Variants in ADAMTS17 observed in about 807,000 individuals in gnomAD.
The protein encoded by ADAMTS17 is A disintegrin and metalloproteinase with thrombospondin motifs 17.
ADAMTS17 carries 113 observed loss-of-function variants against 141.5 expected under a neutral mutation model. That is an observed-to-expected ratio of 0.80 (90% confidence interval 0.69 to 0.93). The LOEUF (loss-of-function observed/expected upper bound fraction) is 0.93. Among genes scored for constraint, ADAMTS17 ranks in the 40% least tolerant of loss-of-function variants. The pLI, the probability that ADAMTS17 is intolerant of heterozygous loss-of-function variation, is 0.00. For synonymous variants in ADAMTS17, 768 were observed against 630.6 expected (o/e 1.22, Z -3.27); for missense variants, 1,659 against 1,517.9 (o/e 1.09, Z -1.54).
At chr15:100,159,223 C>A (rs373289845) in intron 8 of ADAMTS17, among the ~76,000 whole-genome samples, 1 of 152,208 alleles carries the variant, frequency 6.6e-6, no homozygotes, top group Non-Finnish European at 1.5e-5. Flanking sequence ...CCAACCTAAA[C>A]AGCCACTGAT....
chr15:100,340,237 G>A (rs2046323095), intron 2 of ADAMTS17, among the ~76,000 whole-genome samples: 2 of 152,208 alleles, frequency 1.3e-5, no homozygotes, highest in Admixed American at 1.3e-4. Context: ...AAGTGTGCGC[G>A]CAGGCAGGGC....
intron 18 of ADAMTS17, among the ~76,000 whole-genome samples, chr15:100,046,400 G>A (rs1207675960): frequency 6.6e-6 from 1 of 152,144 alleles, no homozygotes; most frequent in East Asian, 1.9e-4. Context: ...TCGTGTGTGT[G>A]TCTCAATTCA....
chr15:99,982,497 TG>T (rs2060501132), intron 20 of ADAMTS17, among the ~76,000 whole-genome samples: 1 of 152,164 alleles, frequency 6.6e-6, no homozygotes, highest in African/African-American at 2.4e-5. Context: ...AGCTGGGCCA[TG>T]GTGGGCGCAC....
intron 7 of ADAMTS17, among the ~76,000 whole-genome samples, chr15:100,207,732 C>A (rs1011403063): frequency 1.3e-5 from 2 of 152,162 alleles, no homozygotes. Flanking sequence ...GAAGTGCCAT[C>A]CCTCAGTCGT....
At chr15:100,211,499 C>T (rs953596734) in intron 7 of ADAMTS17, among the ~76,000 whole-genome samples, 22 of 152,098 alleles carry the variant, frequency 1.4e-4, no homozygotes, top group African/African-American at 4.8e-4. Context: ...ATGAAATACA[C>T]AAGAATGGAA....
intron 8 of ADAMTS17, among the ~76,000 whole-genome samples, chr15:100,175,872 CA>C (rs2040321940): frequency 6.6e-6 from 1 of 152,020 alleles, no homozygotes; most frequent in African/African-American, 2.4e-5. Flanking sequence ...AAGGCAGATT[CA>C]TCATTCTCAA....
At chr15:100,195,424 C>A (rs1404016722) in intron 8 of ADAMTS17, among the ~76,000 whole-genome samples, 1 of 151,934 alleles carries the variant, frequency 6.6e-6, no homozygotes, top group African/African-American at 2.4e-5. Context: ...TGTGAGAAGG[C>A]CCCGGGCAAG....
intron 12 of ADAMTS17, among the ~76,000 whole-genome samples, chr15:100,120,072 A>C (rs2037375139): frequency 6.6e-6 from 1 of 152,230 alleles, no homozygotes; most frequent in African/African-American, 2.4e-5. Context: ...CACTAGACTG[A>C]CGTGAACTAT....
intron 9 of ADAMTS17, 40 bp from the exon 10 acceptor site, chr15:100,152,802 G>A (rs1275018179): frequency 1.2e-6 from 2 of 1,608,636 alleles, no homozygotes; most frequent in Non-Finnish European, 1.7e-6. Flanking sequence ...CAAATGTACT[G>A]CCTAGGTTTT....
chr15:100,273,660 T>C (rs2043986825), intron 4 of ADAMTS17, among the ~76,000 whole-genome samples: 1 of 152,182 alleles, frequency 6.6e-6, no homozygotes, highest in Non-Finnish European at 1.5e-5. Context: ...ATTGGCTCTA[T>C]TGTTTTTCTG....
intron 8 of ADAMTS17, among the ~76,000 whole-genome samples, chr15:100,179,163 T>A (rs967782639): frequency 1.3e-5 from 2 of 152,166 alleles, no homozygotes; most frequent in African/African-American, 2.4e-5. Flanking sequence ...AAATACTAGG[T>A]CTTATTCATT....
intron 7 of ADAMTS17, among the ~76,000 whole-genome samples, chr15:100,234,395 A>T (rs2042588622): frequency 6.6e-6 from 1 of 152,186 alleles, no homozygotes; most frequent in South Asian, 2.1e-4. Context: ...TGCTACCAGT[A>T]AGGAAGATGA....
At chr15:100,213,672 C>G (rs1045492367) in intron 7 of ADAMTS17, among the ~76,000 whole-genome samples, 3 of 152,250 alleles carry the variant, frequency 2.0e-5, no homozygotes, top group Admixed American at 2.0e-4. Context: ...AAGCAAAAGC[C>G]TGCCTAGATC....
chr15:100,262,777 A>C (rs916895270), intron 4 of ADAMTS17, among the ~76,000 whole-genome samples: 1 of 150,470 alleles, frequency 6.6e-6, no homozygotes, highest in Non-Finnish European at 1.5e-5. Context: ...GTACTCTTCC[A>C]GTACTAAAAA....
At chr15:99,981,702 G>A (rs928274806) in intron 20 of ADAMTS17, among the ~76,000 whole-genome samples, 3 of 152,170 alleles carry the variant, frequency 2.0e-5, no homozygotes, top group Non-Finnish European at 4.4e-5. Context: ...AAGACAAACC[G>A]TTATAAAAAT....
rs60742726 is a variant in ADAMTS17, at chr15:100,209,113, CAA to C, written c.1076-9692_1076-9691del. Among the ~76,000 whole-genome samples the C allele has an allele frequency of 6.6e-3, 639 of 96,912 alleles. 4 individuals are homozygous for C. In the Middle Eastern group the frequency reaches 0.081, roughly 12 times the overall value. The allele number at this position is 96,912 out of a possible 152,430, so 63.6% of individuals were successfully genotyped here. A position where few individuals can be genotyped will look rare whatever the true frequency, so the allele number is the denominator to read the frequency against. ...TGCATGGAAATATTTGCCAAGTTAG[CAA>C]AAAAAAAAAAAAAAAAAAGGAAGAA... On this transcript the variant is annotated intron_variant, in intron 7 of 21. Coordinates refer to ENST00000268070, the MANE Select transcript of ADAMTS17 (RefSeq NM_139057.4).
At chr15:99,977,725 A>T (rs2060394962) in intron 20 of ADAMTS17, among the ~76,000 whole-genome samples, 1 of 151,408 alleles carries the variant, frequency 6.6e-6, no homozygotes, top group African/African-American at 2.4e-5. Context: ...GTCTCTTCAC[A>T]CTCCTTAAAG....
At chr15:100,111,617 C>G (rs12916305) in intron 13 of ADAMTS17, among the ~76,000 whole-genome samples, 1 of 152,242 alleles carries the variant, frequency 6.6e-6, no homozygotes, top group Admixed American at 6.5e-5. Context: ...GCAAGGGTCC[C>G]TTGGCTGAAG....
intron 15 of ADAMTS17, among the ~76,000 whole-genome samples, chr15:100,056,586 C>G (rs979859353): frequency 2.6e-5 from 4 of 152,172 alleles, no homozygotes; most frequent in African/African-American, 9.7e-5. Context: ...AATCTAATGT[C>G]CCACTTCTGA....
Sources: allele counts gnomAD v4.1 joint callset (sites outside exome capture counted in the v4.1 genomes callset), GRCh38; gene constraint gnomAD v4.1.1; transcripts MANE v1.5; gene names NCBI Gene and HGNC (gene_info 2026-07-23, HGNC 2026-07-21).